NAALADL2: variants seen among roughly 807,000 people sequenced by gnomAD.
NAALADL2 encodes N-acetylated alpha-linked acidic dipeptidase like 2, also known as inactive N-acetylated-alpha-linked acidic dipeptidase-like protein 2.
Under a neutral mutation model 87.2 loss-of-function variants are expected in NAALADL2, and 76 were observed. The ratio of observed to expected loss-of-function variants is 0.87; its 90% CI spans 0.72 to 1.05. The LOEUF is 1.05. Ranked by LOEUF, NAALADL2 falls within the 50% of genes least tolerant of loss-of-function variation. NAALADL2 has a pLI of 0.00. For synonymous variants in NAALADL2, 354 were observed against 331.0 expected, an observed-to-expected ratio of 1.07 and a Z score of -0.75; for missense variants, 1,089 against 945.8, an observed-to-expected ratio of 1.15 and a Z score of -1.99.
At chr3:174,750,882 A>G (rs1734756121) in intron 3 of NAALADL2, among the ~76,000 whole-genome samples, 2 of 152,144 alleles carry the variant, frequency 1.3e-5, no homozygotes, top group African/African-American at 2.4e-5. Flanking sequence ...CATTTTGCAA[A>G]TACAGCGCTC....
At chr3:175,578,311 T>C (rs552220878) in intron 10 of NAALADL2, among the ~76,000 whole-genome samples, 1 of 152,118 alleles carries the variant, frequency 6.6e-6, no homozygotes, top group South Asian at 2.1e-4. Context: ...TAGTCCCAGC[T>C]ACTGGGGATG....
intron 2 of NAALADL2, among the ~76,000 whole-genome samples, chr3:175,102,750 C>T (rs1351981525): frequency 6.6e-6 from 1 of 152,098 alleles, no homozygotes; most frequent in East Asian, 1.9e-4. Context: ...GTGAAATGAT[C>T]TTTATAAGCA....
At chr3:175,554,999 G>C (rs1369719934) in intron 9 of NAALADL2, among the ~76,000 whole-genome samples, 1 of 151,994 alleles carries the variant, frequency 6.6e-6, no homozygotes, top group Non-Finnish European at 1.5e-5. Context: ...ATTTTTCTCA[G>C]AGTCTCAGGG....
intron 9 of NAALADL2, among the ~76,000 whole-genome samples, chr3:175,506,947 C>G (rs7630782): frequency 0.061 from 9,309 of 152,170 alleles, 731 homozygotes; most frequent in African/African-American, 0.17. Flanking sequence ...CGGGACATGT[C>G]AGCCAGCTCT....
intron 1 of NAALADL2, among the ~76,000 whole-genome samples, chr3:174,934,264 A>T (rs934959448): frequency 6.6e-6 from 1 of 152,160 alleles, no homozygotes; most frequent in African/African-American, 2.4e-5. Context: ...TTTTTTAAAA[A>T]TATGTATGAT....
intron 9 of NAALADL2, among the ~76,000 whole-genome samples, chr3:175,558,509 C>T (rs1382030842): frequency 1.3e-5 from 2 of 152,082 alleles, no homozygotes; most frequent in East Asian, 1.9e-4. Flanking sequence ...GTCCAATGTC[C>T]TGGAGAGTTT....
intron 6 of NAALADL2, among the ~76,000 whole-genome samples, chr3:175,456,251 T>C (rs1012928618): frequency 2.6e-5 from 4 of 152,078 alleles, no homozygotes; most frequent in African/African-American, 9.7e-5. Context: ...CTGCACATGA[T>C]GAAATTAAGG....
chr3:175,175,375 C>A (rs998430731), intron 2 of NAALADL2, among the ~76,000 whole-genome samples: 10 of 151,958 alleles, frequency 6.6e-5, no homozygotes, highest in South Asian at 2.1e-4. Flanking sequence ...TATTAAACAA[C>A]TTTTTTGTGG....
chr3:175,208,101 T>C (rs1227746462), intron 2 of NAALADL2, among the ~76,000 whole-genome samples: 1 of 152,162 alleles, frequency 6.6e-6, no homozygotes, highest in Non-Finnish European at 1.5e-5. Flanking sequence ...TTTGTTCATG[T>C]TCCTCCATCT....
chr3:174,583,864 A>G (rs1392909475), intron 2 of NAALADL2, among the ~76,000 whole-genome samples: 1 of 152,186 alleles, frequency 6.6e-6, no homozygotes, highest in Non-Finnish European at 1.5e-5. Context: ...TTAGATCTTT[A>G]GACACAAGGG....
At chr3:175,412,224 T>C (rs1177656063) in intron 5 of NAALADL2, among the ~76,000 whole-genome samples, 1 of 152,226 alleles carries the variant, frequency 6.6e-6, no homozygotes, top group African/African-American at 2.4e-5. Flanking sequence ...CCCCCCTTTT[T>C]ATGCTAAGGA....
intron 11 of NAALADL2, among the ~76,000 whole-genome samples, chr3:175,652,724 C>T (rs986636191): frequency 6.6e-5 from 10 of 152,042 alleles, no homozygotes; most frequent in African/African-American, 2.2e-4. Context: ...GTGATCCGCC[C>T]GCCTCGGCCT....
intron 1 of NAALADL2, among the ~76,000 whole-genome samples, chr3:174,959,076 G>A (rs997837589): frequency 6.6e-6 from 1 of 152,034 alleles, no homozygotes; most frequent in African/African-American, 2.4e-5. Flanking sequence ...GTGGACATCT[G>A]CTTTGAGAGT....
At chr3:175,549,959 C>T (rs983024252) in intron 9 of NAALADL2, among the ~76,000 whole-genome samples, 6 of 151,852 alleles carry the variant, frequency 4.0e-5, no homozygotes, top group African/African-American at 7.3e-5. Flanking sequence ...GAAACACAGA[C>T]GCTAAAGAAA....
At chr3:174,777,863 T>C (rs1053230019) in intron 3 of NAALADL2, among the ~76,000 whole-genome samples, 12 of 152,112 alleles carry the variant, frequency 7.9e-5, no homozygotes, top group Non-Finnish European at 1.8e-4. Context: ...GTCTTCATTG[T>C]CAATTTTCTT....
intron 3 of NAALADL2, among the ~76,000 whole-genome samples, chr3:174,787,231 A>G (rs914903156): frequency 2.6e-5 from 4 of 151,886 alleles, no homozygotes; most frequent in Non-Finnish European, 5.9e-5. Flanking sequence ...CGTCTCTTCA[A>G]ACTGACAAAA....
intron 1 of NAALADL2, among the ~76,000 whole-genome samples, chr3:174,458,297 A>G (rs1715985157): frequency 6.6e-6 from 1 of 152,042 alleles, no homozygotes; most frequent in Non-Finnish European, 1.5e-5. Flanking sequence ...GCAGTTTTCT[A>G]CCTCAGTGTT....
chr3:174,719,884 G>A (rs6799654), intron 2 of NAALADL2, among the ~76,000 whole-genome samples: 29,044 of 152,086 alleles, frequency 0.19, 3,380 homozygotes, highest in African/African-American at 0.33. Flanking sequence ...TCACCGCAAC[G>A]TCCGCCTCCC....
intron 1 of NAALADL2, among the ~76,000 whole-genome samples, chr3:174,933,021 G>T (rs1031718729): frequency 2.0e-5 from 3 of 152,180 alleles, no homozygotes; most frequent in African/African-American, 4.8e-5. Flanking sequence ...GGAGGCTGAG[G>T]CAGGAGAGTC....
Sources: gnomAD v4.1 joint callset for allele counts (sites outside exome capture counted in the v4.1 genomes callset) on GRCh38, gnomAD v4.1.1 for gene constraint, MANE v1.5 for transcripts, NCBI Gene and HGNC (gene_info 2026-07-23, HGNC 2026-07-21) for gene names.